The following PARD3B variants were observed in gnomAD, a reference collection of about 807,000 sequenced individuals.
PARD3B encodes the protein par-3 family cell polarity regulator beta.
PARD3B carries 103 observed loss-of-function variants against 130.2 expected under a neutral mutation model. That is an observed-to-expected ratio of 0.79 (90% confidence interval 0.67 to 0.93). The LOEUF (loss-of-function observed/expected upper bound fraction) is 0.93, where lower values mean the gene tolerates loss of function less well. PARD3B is among the 40% of genes least tolerant of loss of function. PARD3B has a pLI of 0.00. For missense variants in PARD3B, 1,609 were observed against 1,499.2 expected (o/e 1.07, Z -1.21); for synonymous variants, 583 against 553.2 (o/e 1.05, Z -0.76).
At chr2:205,350,476 A>G (rs62171507) in intron 18 of PARD3B, among the ~76,000 whole-genome samples, 5,074 of 152,258 alleles carry the variant, frequency 0.033, 97 homozygotes, top group Middle Eastern at 0.055. Context: ...TATTGGCTTT[A>G]TGAGAGAGTA....
At chr2:205,375,657 TGAGA>T (rs921160622) in intron 18 of PARD3B, among the ~76,000 whole-genome samples, 1 of 151,596 alleles carries the variant, frequency 6.6e-6, no homozygotes, top group African/African-American at 2.4e-5. Flanking sequence ...AGGATGGAAT[TGAGA>T]GAGAGAGAGA....
intron 5 of PARD3B, 90 bp from the exon 6 acceptor site, chr2:205,113,394 GTGTGTGT>G (rs1703787249): frequency 3.6e-4 from 210 of 583,422 alleles, no homozygotes; most frequent in South Asian, 1.1e-3. Context: ...CTGAGCAGGG[GTGTGTGT>G]GTGTGTGTGT....
At chr2:205,336,902 C>T (rs1253161288) in intron 18 of PARD3B, among the ~76,000 whole-genome samples, 1 of 150,936 alleles carries the variant, frequency 6.6e-6, no homozygotes, top group African/African-American at 2.4e-5. Flanking sequence ...TTGTCAGTAT[C>T]TTAAGGAATA....
At chr2:205,286,354 TTTATCATCATCA>T (rs910557932) in intron 16 of PARD3B, among the ~76,000 whole-genome samples, 2 of 152,210 alleles carry the variant, frequency 1.3e-5, no homozygotes. Context: ...TGCTGCTATT[TTTATCATCATCA>T]TTATCATCAT....
intron 2 of PARD3B, among the ~76,000 whole-genome samples, chr2:204,716,875 G>T (rs1258449532): frequency 1.3e-5 from 2 of 152,106 alleles, no homozygotes; most frequent in Non-Finnish European, 2.9e-5. Context: ...GCCTGCGTCG[G>T]CCTCCCAAAT....
In PARD3B at chr2:205,292,307, A is replaced by G. The variant is rs1015659867; in HGVS notation, c.2186-8223A>G. 4.1e-4 allele frequency among the ~76,000 whole-genome samples: 62 copies of G among 152,144 alleles called. 1 individual carries two copies. The highest frequency in any genetic ancestry group is 7.3e-5 in the Non-Finnish European group (5 of 68,032). On this transcript the variant is annotated intron_variant, in intron 16 of 22. Coordinates refer to ENST00000406610, the MANE Select transcript of PARD3B (RefSeq NM_001302769.2). The surrounding 1 kb of genome is among the most constrained non-coding windows in gnomAD (Gnocchi z 5.3). ...CCCTTGACCCTTCCACCATGTGAGG[A>G]CACAATGAGAACACAGGCATCCATG...
At chr2:205,003,341 A>G (rs549085270) in intron 3 of PARD3B, among the ~76,000 whole-genome samples, 5 of 152,254 alleles carry the variant, frequency 3.3e-5, no homozygotes, top group African/African-American at 1.2e-4. Context: ...CACAGGTTCC[A>G]GCAATTAGGA....
At chr2:204,748,121 T>C (rs942571748) in intron 2 of PARD3B, among the ~76,000 whole-genome samples, 2 of 152,088 alleles carry the variant, frequency 1.3e-5, no homozygotes, top group Admixed American at 6.6e-5. Context: ...AATAAAATTC[T>C]GGGAGATTTA....
intron 2 of PARD3B, among the ~76,000 whole-genome samples, chr2:204,946,683 A>G (rs1689352274): frequency 6.6e-6 from 1 of 152,212 alleles, no homozygotes; most frequent in African/African-American, 2.4e-5. Flanking sequence ...GTACATAGAT[A>G]AATAATAAGG....
Position 204,669,950 on chromosome 2 carries a change from T to TG in PARD3B, c.121-16226dup, listed in dbSNP as rs2036217132. On this transcript the variant is annotated intron_variant, in intron 1 of 22. Coordinates refer to ENST00000406610, the MANE Select transcript of PARD3B (RefSeq NM_001302769.2). The surrounding 1 kb of genome is among the most constrained non-coding windows in gnomAD (Gnocchi z 4.3). Reference sequence around the variant, plus strand: ...CTATTAATGGAAAGGATGGAAAAGTTGGGGGACTCTAAATTCACTAAGTTC... The same window carrying TG: ...CTATTAATGGAAAGGATGGAAAAGTTGGGGGGACTCTAAATTCACTAAGTTC... Among the ~76,000 whole-genome samples the TG allele has an allele frequency of 3.3e-5, 5 of 152,116 alleles. No homozygotes were observed. Among genetic ancestry groups the TG allele is most frequent in the Admixed American group, 2.0e-4 (3 of 15,268 alleles).
intron 3 of PARD3B, among the ~76,000 whole-genome samples, chr2:205,000,941 C>T (rs1254697147): frequency 6.6e-6 from 1 of 152,062 alleles, no homozygotes; most frequent in African/African-American, 2.4e-5. Flanking sequence ...AGGTAGAAGC[C>T]TGTAACTTTG....
chr2:205,273,459 G>A (rs2040820577), intron 16 of PARD3B, among the ~76,000 whole-genome samples: 1 of 152,142 alleles, frequency 6.6e-6, no homozygotes, highest in South Asian at 2.1e-4. Context: ...TGCTGTGGAG[G>A]GCCTTTCCCT....
intron 1 of PARD3B, among the ~76,000 whole-genome samples, chr2:204,599,656 G>A (rs1369807638): frequency 6.6e-6 from 1 of 151,872 alleles, no homozygotes. Flanking sequence ...ACATGGGGGT[G>A]TAATATCTCT....
Position 205,365,809 on chromosome 2 carries a change from C to T in PARD3B, c.2631-35204C>T, listed in dbSNP as rs2044587109. On this transcript the variant is annotated intron_variant, in intron 18 of 22. Transcript: ENST00000406610. ...TTCACACTGATGAATTTAAGATAGG[C>T]TTCAGATGAATAAATTAATAAACTC... is the stretch of plus-strand genomic sequence containing the variant. Among the ~76,000 whole-genome samples the T allele has an allele frequency of 2.0e-5, 3 of 152,234 alleles. No individual in the cohort carries two copies. The South Asian group carries it at 6.2e-4, about 32-fold the overall frequency.
At chr2:205,042,507 C>G (rs1698466339) in intron 3 of PARD3B, among the ~76,000 whole-genome samples, 1 of 152,022 alleles carries the variant, frequency 6.6e-6, no homozygotes, top group South Asian at 2.1e-4. Flanking sequence ...AAGATCCTAT[C>G]TGGTGAGGAC....
chr2:205,605,775 G>A (rs563552487), intron 22 of PARD3B, among the ~76,000 whole-genome samples: 10 of 151,890 alleles, frequency 6.6e-5, no homozygotes, highest in East Asian at 1.9e-4. Context: ...GCCCCTTGGC[G>A]AAGGGAGTGT....
chr2:205,082,955 T>C (rs1251976449), intron 4 of PARD3B, among the ~76,000 whole-genome samples: 2 of 150,436 alleles, frequency 1.3e-5, no homozygotes, highest in Non-Finnish European at 3.0e-5. Flanking sequence ...AGTCTCGCTC[T>C]ATCGCCCAGG....
chr2:205,330,111 C>T (rs10170458), intron 18 of PARD3B, among the ~76,000 whole-genome samples: 132,644 of 151,712 alleles, frequency 0.87, 58,197 homozygotes, highest in Admixed American at 0.92. Context: ...GAGGCTGAGG[C>T]GGGTGGATCA....
intron 3 of PARD3B, among the ~76,000 whole-genome samples, chr2:205,041,494 C>G (rs1698395245): frequency 6.6e-6 from 1 of 152,100 alleles, no homozygotes; most frequent in Non-Finnish European, 1.5e-5. Context: ...TCCAGGTTCT[C>G]TCTCCATTTC....
Sources: allele counts gnomAD v4.1 joint callset (sites outside exome capture counted in the v4.1 genomes callset), GRCh38; gene constraint gnomAD v4.1.1; non-coding constraint Gnocchi (gnomAD v3.1); transcripts MANE v1.5; gene names NCBI Gene and HGNC (gene_info 2026-07-23, HGNC 2026-07-21).